The following TRAPPC9 variants were observed in gnomAD, a reference collection of about 807,000 sequenced individuals.
The protein encoded by TRAPPC9 is trafficking protein particle complex subunit 9.
In TRAPPC9, 83 loss-of-function variants were observed where a neutral mutation model predicts 124.0. The ratio of observed to expected loss-of-function variants is 0.67; its 90% confidence interval spans 0.56 to 0.80. The LOEUF (loss-of-function observed/expected upper bound fraction) is 0.80, where lower values mean the gene tolerates loss of function less well. Ranked by LOEUF, TRAPPC9 falls within the 30% of genes least tolerant of loss-of-function variation. The pLI is 0.00. For synonymous variants in TRAPPC9, 638 were observed against 617.5 expected, an observed-to-expected ratio of 1.03 and a Z score of -0.49; for missense variants, 1,302 against 1,508.3, an observed-to-expected ratio of 0.86 and a Z score of 2.27.
Position 140,035,812 on chromosome 8 carries a change from G to T in TRAPPC9, c.2557-11733C>A, listed in dbSNP as rs1005284235. Among the ~76,000 whole-genome samples, 7 of 152,178 alleles carry T rather than the reference G, an allele frequency of 4.6e-5. No homozygotes were observed. In the East Asian group the frequency reaches 1.3e-3, roughly 29 times the overall value. On this transcript the variant is annotated intron_variant, in intron 17 of 22. Coordinates refer to ENST00000438773, the MANE Select transcript of TRAPPC9 (RefSeq NM_001160372.4). ...AGCGTCTTTCGATGCCTTGCTCCAC[G>T]TGAGCCCACAGCCAACACCAGGCAA...
chr8:140,390,220 G>A (rs779869064), intron 7 of TRAPPC9, among the ~76,000 whole-genome samples: 12 of 152,116 alleles, frequency 7.9e-5, no homozygotes, highest in African/African-American at 1.9e-4. Flanking sequence ...CAGGAGAATC[G>A]CTTAAGCCTG....
intron 21 of TRAPPC9, among the ~76,000 whole-genome samples, chr8:139,859,814 G>A (rs1451630911): frequency 6.6e-6 from 1 of 152,236 alleles, no homozygotes; most frequent in African/African-American, 2.4e-5. Flanking sequence ...GGGGACAGCA[G>A]GCAGTACCCT....
intron 17 of TRAPPC9, among the ~76,000 whole-genome samples, chr8:140,036,183 G>A (rs559642336): frequency 4.0e-5 from 6 of 151,508 alleles, no homozygotes; most frequent in South Asian, 4.2e-4. Flanking sequence ...GGAAGCCTTC[G>A]AAGACTTTTT....
At chr8:139,965,553 T>C (rs1835645409) in intron 19 of TRAPPC9, among the ~76,000 whole-genome samples, 1 of 152,174 alleles carries the variant, frequency 6.6e-6, no homozygotes, top group South Asian at 2.1e-4. Context: ...GTAGAAAATT[T>C]ATCAAGAACA....
chr8:140,070,494 T>C (rs1251810087), intron 17 of TRAPPC9, among the ~76,000 whole-genome samples: 3 of 152,236 alleles, frequency 2.0e-5, no homozygotes, highest in African/African-American at 7.2e-5. Flanking sequence ...CTCAAAGCTA[T>C]GTGATTTTTC....
chr8:140,405,200 C>T (rs1455675130), intron 6 of TRAPPC9: 1 of 167,602 alleles, frequency 6.0e-6, no homozygotes, highest in African/African-American at 2.4e-5. Context: ...TGGAAGATTT[C>T]AACAGCATAG....
rs187841252 is a variant in TRAPPC9 at position 140,164,074 on chromosome 8, C to T, written c.2556+57385G>A. ...ATGTGGCAGACAAATGGGGAGAAGT[C>T]ACCCAGCACCCACATGTACTCAGCA... is the stretch of plus-strand genomic sequence containing the variant. On this transcript the variant is annotated intron_variant, in intron 17 of 22. Coordinates refer to ENST00000438773, the MANE Select transcript of TRAPPC9 (RefSeq NM_001160372.4). Among the ~76,000 whole-genome samples, 341 of 152,294 alleles carry T rather than the reference C, an allele frequency of 2.2e-3. 1 individual carries two copies. Among genetic ancestry groups the T allele is most frequent in the African/African-American group, 8.0e-3 (331 of 41,550 alleles).
intron 5 of TRAPPC9, among the ~76,000 whole-genome samples, chr8:140,416,835 T>C (rs1009498190): frequency 1.3e-5 from 2 of 152,188 alleles, no homozygotes; most frequent in East Asian, 3.8e-4. Context: ...AAGTCTACAG[T>C]AACCAAAACA....
intron 15 of TRAPPC9, among the ~76,000 whole-genome samples, chr8:140,274,297 G>A (rs2065049292): frequency 2.0e-5 from 3 of 152,164 alleles, no homozygotes; most frequent in Non-Finnish European, 2.9e-5. Flanking sequence ...AGCTACAGGT[G>A]ACTTCCTGCT....
At chr8:140,280,419 G>C (rs1316378185) in intron 14 of TRAPPC9, among the ~76,000 whole-genome samples, 2 of 151,874 alleles carry the variant, frequency 1.3e-5, no homozygotes, top group Non-Finnish European at 2.9e-5. Flanking sequence ...TTGTTTTTTT[G>C]TTTTGTTTTG....
intron 8 of TRAPPC9, among the ~76,000 whole-genome samples, chr8:140,360,684 T>C (rs2067924715): frequency 6.6e-6 from 1 of 152,184 alleles, no homozygotes; most frequent in Non-Finnish European, 1.5e-5. Context: ...CAAAACAGTT[T>C]AGCATCTTTG....
At chr8:140,268,699 C>A (rs1412621102) in intron 15 of TRAPPC9, among the ~76,000 whole-genome samples, 1 of 152,140 alleles carries the variant, frequency 6.6e-6, no homozygotes, top group Non-Finnish European at 1.5e-5. Context: ...CAGGGTGGCC[C>A]TATGTGCCCT....
At chr8:140,379,087 T>C (rs1330495384) in intron 7 of TRAPPC9, among the ~76,000 whole-genome samples, 1 of 152,156 alleles carries the variant, frequency 6.6e-6, no homozygotes, top group Admixed American at 6.5e-5. Context: ...TTCTTTCTTT[T>C]TAACTATTAA....
At chr8:139,996,352 T>G (rs1313160952) in intron 18 of TRAPPC9, among the ~76,000 whole-genome samples, 1 of 151,942 alleles carries the variant, frequency 6.6e-6, no homozygotes, top group African/African-American at 2.4e-5. Context: ...AGAATAATCA[T>G]ACTACCCAAG....
intron 21 of TRAPPC9, among the ~76,000 whole-genome samples, chr8:139,875,311 G>A (rs1377520058): frequency 3.3e-5 from 5 of 152,088 alleles, no homozygotes; most frequent in Non-Finnish European, 4.4e-5. Flanking sequence ...GAGGGATGTC[G>A]TAGCAACCTC....
At chr8:140,021,581 G>C (rs981327650) in intron 18 of TRAPPC9, among the ~76,000 whole-genome samples, 2 of 151,954 alleles carry the variant, frequency 1.3e-5, no homozygotes, top group African/African-American at 4.8e-5. Context: ...GTTTCCATTT[G>C]CTTTTATTTC....
chr8:140,045,513 G>C (rs1841527008), intron 17 of TRAPPC9, among the ~76,000 whole-genome samples: 1 of 151,458 alleles, frequency 6.6e-6, no homozygotes, highest in South Asian at 2.1e-4. Context: ...TGTAGTCCCA[G>C]CTACTCGGGA....
chr8:139,755,545 G>T (rs1586771632), intron 21 of TRAPPC9, among the ~76,000 whole-genome samples: 2 of 144,750 alleles, frequency 1.4e-5, no homozygotes, highest in Non-Finnish European at 3.0e-5. Flanking sequence ...TTGGGGATGA[G>T]GACAGCAGGT....
At chr8:140,162,025 C>G (rs540078519) in intron 17 of TRAPPC9, among the ~76,000 whole-genome samples, 124 of 152,288 alleles carry the variant, frequency 8.1e-4, no homozygotes, top group African/African-American at 2.8e-3. Flanking sequence ...CACAGCTGCC[C>G]GCAGCAGCCC....
Sources: gnomAD v4.1 joint callset for allele counts (sites outside exome capture counted in the v4.1 genomes callset) on GRCh38, gnomAD v4.1.1 for gene constraint, MANE v1.5 for transcripts, NCBI Gene and HGNC (gene_info 2026-07-23, HGNC 2026-07-21) for gene names.